The following RGS6 variants were observed in gnomAD, a reference collection of about 807,000 sequenced individuals.
The protein encoded by RGS6 is regulator of G protein signaling 6, also known as regulator of G-protein signaling 6.
A neutral mutation model predicts 78.5 loss-of-function variants in RGS6; 30 were observed. That is an observed-to-expected ratio of 0.38 (90% CI 0.29 to 0.52). RGS6 has a LOEUF of 0.52. Ranked by LOEUF, RGS6 falls within the 20% of genes least tolerant of loss-of-function variation. The pLI is 0.85. For synonymous variants in RGS6, 206 were observed against 206.0 expected (o/e 1.00, Z 0.00); for missense variants, 495 against 609.7 (o/e 0.81, Z 1.98).
At chr14:72,313,727 G>A (rs2069267330) in intron 2 of RGS6, among the ~76,000 whole-genome samples, 1 of 152,176 alleles carries the variant, frequency 6.6e-6, no homozygotes, top group Non-Finnish European at 1.5e-5. Flanking sequence ...TACATACAAA[G>A]GGGCTATGGT....
intron 9 of RGS6, among the ~76,000 whole-genome samples, chr14:72,474,328 A>T (rs1241552005): frequency 1.3e-5 from 2 of 152,244 alleles, no homozygotes; most frequent in Admixed American, 1.3e-4. Context: ...ACGGTTAAGT[A>T]TGTAAAAAAA....
intron 2 of RGS6, among the ~76,000 whole-genome samples, chr14:72,029,980 C>G (rs1015683367): frequency 7.2e-5 from 11 of 152,188 alleles, no homozygotes; most frequent in African/African-American, 2.7e-4. Flanking sequence ...AATCTTTTCT[C>G]TTTCTTTGAT....
chr14:72,267,716 G>A (rs1199958328), intron 2 of RGS6, among the ~76,000 whole-genome samples: 3 of 152,202 alleles, frequency 2.0e-5, no homozygotes, highest in Non-Finnish European at 4.4e-5. Flanking sequence ...AAAGCCAGCA[G>A]AGAAACTAAT....
intron 2 of RGS6, among the ~76,000 whole-genome samples, chr14:72,241,221 A>C (rs184865044): frequency 7.3e-4 from 111 of 152,234 alleles, no homozygotes; most frequent in Non-Finnish European, 1.2e-3. Context: ...GGAAAAGAAA[A>C]AAAGCCTGGC....
At chr14:72,133,769 T>C (rs1402532995) in intron 2 of RGS6, among the ~76,000 whole-genome samples, 2 of 152,088 alleles carry the variant, frequency 1.3e-5, no homozygotes, top group Non-Finnish European at 2.9e-5. Flanking sequence ...CCTTCTGCCA[T>C]GAGCCAAGCT....
intron 2 of RGS6, among the ~76,000 whole-genome samples, chr14:72,036,719 T>G (rs2153362271): frequency 6.6e-6 from 1 of 152,240 alleles, no homozygotes; most frequent in African/African-American, 2.4e-5. Context: ...ATATTCTGAG[T>G]GCAAGTATTT....
At chr14:72,182,893 GA>G (rs1214133410) in intron 2 of RGS6, among the ~76,000 whole-genome samples, 2 of 152,154 alleles carry the variant, frequency 1.3e-5, no homozygotes, top group African/African-American at 4.8e-5. Flanking sequence ...TGTCGTTGAT[GA>G]TTTTTTTTCA....
chr14:72,263,465 TC>T (rs1195302433), intron 2 of RGS6, among the ~76,000 whole-genome samples: 9 of 151,874 alleles, frequency 5.9e-5, no homozygotes, highest in Admixed American at 5.9e-4. Flanking sequence ...TCCTCCAACC[TC>T]CCCCTTCTCT....
chr14:71,975,350 T>C (rs999430707), intron 2 of RGS6, among the ~76,000 whole-genome samples: 1 of 152,216 alleles, frequency 6.6e-6, no homozygotes, highest in African/African-American at 2.4e-5. Flanking sequence ...TTTGGCTGCT[T>C]TTAAGATTTA....
the RGS6 span, among the ~76,000 whole-genome samples, chr14:71,914,299 T>G: frequency 6.6e-6 from 1 of 152,210 alleles, no homozygotes; most frequent in Non-Finnish European, 1.5e-5. Flanking sequence ...ATTTCTTGTT[T>G]GCTCCTGAAA....
At chr14:72,469,848 C>T (rs936698285) in intron 7 of RGS6, 159 bp from the exon 8 acceptor site, 27 of 617,368 alleles carry the variant, frequency 4.4e-5, no homozygotes, top group Admixed American at 1.1e-4. Flanking sequence ...GAGGGTCTGG[C>T]GCAAAGTCAA....
At chr14:72,457,770 G>C in intron 4 of RGS6, among the ~76,000 whole-genome samples, 1 of 152,186 alleles carries the variant, frequency 6.6e-6, no homozygotes, top group Admixed American at 6.5e-5. Flanking sequence ...AGAGAAGGGT[G>C]ACACCCTTCT....
At chr14:71,985,397 C>T (rs1354725413) in intron 2 of RGS6, among the ~76,000 whole-genome samples, 1 of 152,218 alleles carries the variant, frequency 6.6e-6, no homozygotes, top group Non-Finnish European at 1.5e-5. Context: ...GCGGGGATTA[C>T]AGCTGTGAGC....
intron 4 of RGS6, 99 bp downstream of exon 4, chr14:72,454,677 C>T: frequency 1.2e-6 from 1 of 856,270 alleles, no homozygotes; most frequent in Non-Finnish European, 1.8e-6. Flanking sequence ...GAGAACTGGT[C>T]TTGTAAATGT....
the RGS6 span, among the ~76,000 whole-genome samples, chr14:72,621,575 C>T: frequency 2.0e-5 from 3 of 152,118 alleles, no homozygotes; most frequent in African/African-American, 4.8e-5. Context: ...GAAGAGTTAT[C>T]AACAGGGGAG....
At chr14:72,360,533 C>T (rs1477251544) in intron 3 of RGS6, among the ~76,000 whole-genome samples, 6 of 150,386 alleles carry the variant, frequency 4.0e-5, no homozygotes. Flanking sequence ...AACAAACAAA[C>T]AAAACAAAAC....
At chr14:71,894,305 G>T in the RGS6 span, among the ~76,000 whole-genome samples, 1 of 152,164 alleles carries the variant, frequency 6.6e-6, no homozygotes, top group Non-Finnish European at 1.5e-5. Flanking sequence ...GGAGCATCCA[G>T]ATATCCCAAT....
At chr14:72,157,148 G>A (rs1248584500) in intron 2 of RGS6, among the ~76,000 whole-genome samples, 1 of 152,190 alleles carries the variant, frequency 6.6e-6, no homozygotes, top group Non-Finnish European at 1.5e-5. Context: ...TGTCTCTAAA[G>A]AACTCTCTCT....
intron 1 of RGS6, among the ~76,000 whole-genome samples, chr14:71,961,285 T>C (rs2093176760): frequency 6.6e-6 from 1 of 152,034 alleles, no homozygotes. Context: ...AAGTTAGAAA[T>C]GTGAGGTTCT....
Sources: gnomAD v4.1 joint callset for allele counts (sites outside exome capture counted in the v4.1 genomes callset) on GRCh38, gnomAD v4.1.1 for gene constraint, MANE v1.5 for transcripts, NCBI Gene and HGNC (gene_info 2026-07-23, HGNC 2026-07-21) for gene names.